ANTXR1: variants seen among roughly 807,000 people sequenced by gnomAD.
ANTXR1 encodes anthrax toxin receptor 1.
In ANTXR1, 19 loss-of-function variants were observed where a neutral mutation model predicts 78.1. The ratio of observed to expected loss-of-function variants is 0.24; its 90% CI spans 0.17 to 0.36. The LOEUF (loss-of-function observed/expected upper bound fraction) is 0.36. ANTXR1 is among the 10% of genes least tolerant of loss of function. The probability of loss-of-function intolerance (pLI) is 1.00; values close to 1 mark genes in which losing one functional copy is unlikely to be tolerated. For synonymous variants in ANTXR1, 273 were observed against 260.5 expected, an observed-to-expected ratio of 1.05 and a Z score of -0.46; for missense variants, 518 against 718.6, an observed-to-expected ratio of 0.72 and a Z score of 3.19.
intron 12 of ANTXR1, among the ~76,000 whole-genome samples, chr2:69,135,824 C>A (rs1672894235): frequency 6.6e-6 from 1 of 151,972 alleles, no homozygotes; most frequent in African/African-American, 2.4e-5. Context: ...ATAGATCAAG[C>A]AGCCAAAAGA....
intron 17 of ANTXR1, among the ~76,000 whole-genome samples, chr2:69,243,332 C>T (rs1675935713): frequency 1.3e-5 from 2 of 152,186 alleles, no homozygotes; most frequent in Non-Finnish European, 2.9e-5. Context: ...CTGCAGCCTT[C>T]CAGAAGTTTC....
Position 69,023,402 on chromosome 2 carries a change from G to C in ANTXR1, c.152+9751G>C, listed in dbSNP as rs534405019. Among the ~76,000 whole-genome samples the C allele has an allele frequency of 7.4e-4, 112 of 152,018 alleles. 2 individuals are homozygous for C. Among genetic ancestry groups the C allele is most frequent in the Non-Finnish European group, 8.8e-5 (6 of 67,978 alleles). ...GATGATGATGGTGATAAGGATAATGGTGATGGTGGTGGTGGTGATAGTGAT... is the reference window on the plus strand; with the variant it reads ...GATGATGATGGTGATAAGGATAATGCTGATGGTGGTGGTGGTGATAGTGAT... On this transcript the variant is annotated intron_variant, in intron 1 of 17. Coordinates refer to ENST00000303714, the MANE Select transcript of ANTXR1 (RefSeq NM_032208.3).
chr2:69,104,257 G>T (rs1277897948), intron 10 of ANTXR1, among the ~76,000 whole-genome samples: 1 of 152,138 alleles, frequency 6.6e-6, no homozygotes, highest in East Asian at 1.9e-4. Flanking sequence ...CCTTTTGAAG[G>T]AGGTTATCTT....
intron 17 of ANTXR1, among the ~76,000 whole-genome samples, chr2:69,235,651 C>CAAAAAA (rs554310438): frequency 1.2e-3 from 68 of 58,060 alleles, no homozygotes; most frequent in Non-Finnish European, 1.7e-3. Flanking sequence ...AACCCCGTCT[C>CAAAAAA]AAAAAAAAAA....
chr2:69,135,138 C>A, intron 12 of ANTXR1: 1 of 286,894 alleles, frequency 3.5e-6, no homozygotes, highest in Non-Finnish European at 7.5e-6. Flanking sequence ...ACCCTTGTAA[C>A]CCTTATATGT....
chr2:69,103,614 T>G (rs1465598026), intron 10 of ANTXR1: 2 of 157,024 alleles, frequency 1.3e-5, no homozygotes, highest in East Asian at 3.8e-4. Context: ...ACAAGACATT[T>G]GTAGCAGTCA....
chr2:69,024,393 C>A (rs969077517), intron 1 of ANTXR1, among the ~76,000 whole-genome samples: 2 of 152,034 alleles, frequency 1.3e-5, no homozygotes, highest in African/African-American at 4.8e-5. Context: ...TTTTTAAATG[C>A]CCAGAAGAGG....
chr2:69,241,069 C>T (rs576281996), intron 17 of ANTXR1, among the ~76,000 whole-genome samples: 60 of 152,302 alleles, frequency 3.9e-4, no homozygotes, highest in Non-Finnish European at 7.5e-4. Context: ...AATTGGCATT[C>T]ATTCCTGTAA....
At chr2:69,023,446 AGTAGTGATGATAGTGATGGTGGTG>A (rs1370620096) in intron 1 of ANTXR1, among the ~76,000 whole-genome samples, 2 of 151,062 alleles carry the variant, frequency 1.3e-5, no homozygotes, top group African/African-American at 4.9e-5. Flanking sequence ...TGATAATGGT[AGTAGTGATGATAGTGATGGTGGTG>A]GTAGTGATGA....
rs1000446289 is a variant in ANTXR1 at position 69,166,253 on chromosome 2, A to C, written c.1048-3995A>C. 2.6e-5 allele frequency among the ~76,000 whole-genome samples: 4 copies of C among 152,370 alleles called. No homozygotes were observed. In the South Asian group the frequency reaches 6.2e-4, roughly 24 times the overall value. On this transcript the variant is annotated intron_variant, in intron 13 of 17. Coordinates refer to ENST00000303714, the MANE Select transcript of ANTXR1 (RefSeq NM_032208.3). ...TTTATCTATGCAATGATCGTCATCA[A>C]ATCTGACCCTACCTCATGTCAGCCT...
chr2:69,040,184 A>G (rs754379344), intron 2 of ANTXR1, 69 bp downstream of exon 2: 148 of 1,353,978 alleles, frequency 1.1e-4, no homozygotes, highest in Middle Eastern at 3.6e-4. Flanking sequence ...CATGTTTGCT[A>G]TTCTATTAAT....
At chr2:69,066,097 A>C (rs750533264) in intron 3 of ANTXR1, among the ~76,000 whole-genome samples, 2 of 152,220 alleles carry the variant, frequency 1.3e-5, no homozygotes, top group Non-Finnish European at 2.9e-5. Flanking sequence ...GAAGACTAGG[A>C]AGTTGACAAT....
At chr2:69,062,713 A>G (rs1457154162) in intron 3 of ANTXR1, among the ~76,000 whole-genome samples, 1 of 152,246 alleles carries the variant, frequency 6.6e-6, no homozygotes, top group Non-Finnish European at 1.5e-5. Context: ...GCAGAGGAAT[A>G]TTACTCACAA....
intron 17 of ANTXR1, among the ~76,000 whole-genome samples, chr2:69,195,627 C>T (rs1674651912): frequency 6.6e-6 from 1 of 152,160 alleles, no homozygotes; most frequent in Admixed American, 6.5e-5. Context: ...ATTTTAAATA[C>T]AAACTCTACA....
chr2:69,071,863 C>A, intron 5 of ANTXR1, 76 bp downstream of exon 5: 2 of 1,325,832 alleles, frequency 1.5e-6, no homozygotes, highest in Non-Finnish European at 2.2e-6. Flanking sequence ...GTGCTTCAGT[C>A]ATTTCATGTT....
chr2:69,106,760 G>C (rs1440576627), intron 10 of ANTXR1, among the ~76,000 whole-genome samples: 1 of 152,148 alleles, frequency 6.6e-6, no homozygotes, highest in African/African-American at 2.4e-5. Context: ...CTTCCACATA[G>C]CCCAGCCCCA....
intron 3 of ANTXR1, among the ~76,000 whole-genome samples, chr2:69,053,092 CAA>C (rs1217578629): frequency 6.6e-6 from 1 of 152,040 alleles, no homozygotes; most frequent in African/African-American, 2.4e-5. Context: ...GACTTTATTT[CAA>C]AGGGGGATAT....
At chr2:69,074,048 T>C (rs970304753) in intron 6 of ANTXR1, among the ~76,000 whole-genome samples, 1 of 152,244 alleles carries the variant, frequency 6.6e-6, no homozygotes, top group Admixed American at 6.5e-5. Flanking sequence ...TGGCATATAC[T>C]TGACCATTTG....
chr2:69,167,650 T>G (rs1673865705), intron 13 of ANTXR1, among the ~76,000 whole-genome samples: 1 of 152,232 alleles, frequency 6.6e-6, no homozygotes, highest in African/African-American at 2.4e-5. Context: ...AAGCTTTCGG[T>G]GCATGGGCTT....
Sources: allele counts gnomAD v4.1 joint callset (sites outside exome capture counted in the v4.1 genomes callset), GRCh38; gene constraint gnomAD v4.1.1; transcripts MANE v1.5; gene names NCBI Gene and HGNC (gene_info 2026-07-23, HGNC 2026-07-21).